Variants in NSL1 observed in about 807,000 individuals in gnomAD.
NSL1 encodes kinetochore-associated protein NSL1 homolog.
Under a neutral mutation model 25.4 loss-of-function variants are expected in NSL1, and 11 were observed. The ratio of observed to expected loss-of-function variants is 0.43; its 90% CI spans 0.27 to 0.72. NSL1 has a LOEUF of 0.72. Ranked by LOEUF, NSL1 falls within the 30% of genes least tolerant of loss-of-function variation. NSL1 has a pLI of 0.19. For missense variants in NSL1, 330 were observed against 342.7 expected (o/e 0.96, Z 0.29); for synonymous variants, 118 against 120.6 (o/e 0.98, Z 0.14).
Position 212,731,042 on chromosome 1 carries a change from T to C in NSL1, c.*7366A>G, listed in dbSNP as rs1274517811. 1.0e-6 allele frequency: 1 copy of C among 985,202 alleles called. No individual in the cohort carries two copies. The highest frequency in any genetic ancestry group is 1.7e-5 in the African/African-American group (1 of 57,218). 61.0% of individuals were successfully genotyped at this position (985,202 alleles called of 1,614,324 possible). ...ACAAGGGATTCTTTACCCCTGAAGC[T>C]TCAAATGAATATAACATTAATTTTC... On this transcript the variant is annotated 3_prime_UTR_variant, in exon 6 of 6. Transcript: ENST00000366977.
chr1:212,777,878 A>G (rs1660446970), intron 4 of NSL1, among the ~76,000 whole-genome samples: 1 of 152,258 alleles, frequency 6.6e-6, no homozygotes, highest in Non-Finnish European at 1.5e-5. Flanking sequence ...TATGTGAAAT[A>G]TTTCGAAGAA....
intron 4 of NSL1, among the ~76,000 whole-genome samples, chr1:212,754,749 AC>A (rs1475418483): frequency 7.5e-6 from 1 of 133,038 alleles, no homozygotes; most frequent in Non-Finnish European, 1.6e-5. Flanking sequence ...AGCCTGGGCA[AC>A]AAGAGTAAAA....
In NSL1 at chr1:212,731,124, T is replaced by G. The variant is rs1023069803; in HGVS notation, c.*7284A>C. On this transcript the variant is annotated 3_prime_UTR_variant, in exon 6 of 6. Transcript: ENST00000366977. ...CCCCTTCAGTGGTTCTCTAGAGAGA[T>G]ATTTTTTTCTTCAGAGACTTTCATA... 25 of 982,956 alleles carry G rather than the reference T, an allele frequency of 2.5e-5. No individual in the cohort carries two copies. Among genetic ancestry groups the G allele is most frequent in the African/African-American group, 1.4e-4 (8 of 56,788 alleles). 60.9% of individuals were successfully genotyped at this position (982,956 alleles called of 1,614,324 possible).
At position 212,726,881 on chromosome 1, in the gene NSL1, G is replaced by A. The variant is rs1279993305; in HGVS notation, c.*11527C>T. ...AACAGAGCCGAGCCCGGTCCCAGGG[G>A]CTGGATGGTGTCCCTCCCTCTGATG... On this transcript the variant is annotated 3_prime_UTR_variant, in exon 6 of 6. Transcript: ENST00000366977. 5.2e-6 allele frequency: 2 copies of A among 381,370 alleles called. No individual in the cohort carries two copies. Among genetic ancestry groups the A allele is most frequent in the African/African-American group, 2.1e-5 (1 of 48,016 alleles). The allele number at this position is 381,370 out of a possible 1,614,324, so 23.6% of individuals were successfully genotyped here. A position where few individuals can be genotyped will look rare whatever the true frequency, so the allele number is the denominator to read the frequency against.
chr1:212,748,352 A>C (rs935440265), intron 4 of NSL1, among the ~76,000 whole-genome samples: 4 of 152,214 alleles, frequency 2.6e-5, no homozygotes, highest in Non-Finnish European at 4.4e-5. Flanking sequence ...ACATATGCCT[A>C]CATGTGACCC....
chr1:212,756,601 C>A (rs1348185384), intron 4 of NSL1, among the ~76,000 whole-genome samples: 1 of 152,146 alleles, frequency 6.6e-6, no homozygotes, highest in Non-Finnish European at 1.5e-5. Flanking sequence ...GGGAGGATCA[C>A]CCGAGTTCAA....
rs563013414 is a variant in NSL1, at chr1:212,764,448, C to CA, written c.499+17923dup. Among the ~76,000 whole-genome samples the CA allele has an allele frequency of 1.3e-4, 19 of 151,632 alleles. No individual in the cohort carries two copies. The East Asian group carries it at 3.3e-3, about 26-fold the overall frequency. On this transcript the variant is annotated intron_variant, in intron 4 of 5. Coordinates refer to ENST00000366977, the MANE Select transcript of NSL1 (RefSeq NM_015471.4). ...CAGAATTAAATGAAATTGAAACAAA[C>CA]AAAAAAACAAAAAATACAAAAGATA...
At chr1:212,763,464 C>T (rs1659664956) in intron 4 of NSL1, among the ~76,000 whole-genome samples, 1 of 151,968 alleles carries the variant, frequency 6.6e-6, no homozygotes, top group Admixed American at 6.6e-5. Context: ...TGTAAATGGC[C>T]TAAATGTTCC....
chr1:212,739,598 G>C lies in NSL1; in HGVS notation c.503C>G (p.Pro168Arg). Residue 168 changes from proline to arginine, a missense_variant, in exon 5 of 6, where the codon CCT (proline) becomes CGT (arginine). Transcript: ENST00000366977. ...TCTGCATTTCAAATTTTCCATATGA[G>C]GGGCTGCAAAAACATTGCCAAACAG... ...LDLKYDPDPA[P>R]HMENLKCRGE... The C allele has an allele frequency of 6.2e-7, 1 of 1,613,182 alleles. No individual in the cohort carries two copies. The highest frequency in any genetic ancestry group is 1.7e-4 in the Middle Eastern group (1 of 6,052).
chr1:212,771,282 C>G (rs1660097089), intron 4 of NSL1, among the ~76,000 whole-genome samples: 1 of 152,080 alleles, frequency 6.6e-6, no homozygotes, highest in East Asian at 1.9e-4. Context: ...CCATTGGACT[C>G]CAGCCTGGGC....
At chr1:212,784,869 A>G (rs78862592) in intron 2 of NSL1, among the ~76,000 whole-genome samples, 3,468 of 152,370 alleles carry the variant, frequency 0.023, 63 homozygotes, top group South Asian at 0.042. Flanking sequence ...ACTGTGAAAT[A>G]TAAGACTTTA....
intron 3 of NSL1, chr1:212,784,081 A>G (rs1660837040): frequency 1.0e-5 from 2 of 193,098 alleles, no homozygotes; most frequent in South Asian, 3.8e-4. Context: ...AGAATCATAA[A>G]GTCATTGTCA....
chr1:212,738,766 ATT>A (rs72163165), intron 5 of NSL1, 80 bp from the exon 6 acceptor site: 302,034 of 955,108 alleles, frequency 0.32, 24,000 homozygotes, highest in Non-Finnish European at 0.34. Context: ...CAGTACTCTA[ATT>A]TTTTTTTTTT....
In NSL1 at chr1:212,736,312, A is replaced by G. The variant is rs1658230250; in HGVS notation, c.*2096T>C. 1.0e-6 allele frequency: 1 copy of G among 981,450 alleles called. No individual in the cohort carries two copies. Among genetic ancestry groups the G allele is most frequent in the Admixed American group, 6.2e-5 (1 of 16,254 alleles). The allele number at this position is 981,450 out of a possible 1,614,324, so 60.8% of individuals were successfully genotyped here. A position where few individuals can be genotyped will look rare whatever the true frequency, so the allele number is the denominator to read the frequency against. ...GTGCTGGGATTACAGGCATGAGCCCACCGCGCCTGGCTATTTCTTTTCTGA... is the reference window on the plus strand; with the variant it reads ...GTGCTGGGATTACAGGCATGAGCCCGCCGCGCCTGGCTATTTCTTTTCTGA... On this transcript the variant is annotated 3_prime_UTR_variant, in exon 6 of 6. Coordinates refer to ENST00000366977, the MANE Select transcript of NSL1 (RefSeq NM_015471.4).
chr1:212,762,971 G>C (rs1382678467), intron 4 of NSL1, among the ~76,000 whole-genome samples: 2 of 152,176 alleles, frequency 1.3e-5, no homozygotes, highest in Admixed American at 6.5e-5. Flanking sequence ...GAACCCACAG[G>C]GTGAGTGTAA....
At chr1:212,759,916 CA>C (rs1406298968) in intron 4 of NSL1, among the ~76,000 whole-genome samples, 1 of 152,172 alleles carries the variant, frequency 6.6e-6, no homozygotes, top group Non-Finnish European at 1.5e-5. Flanking sequence ...TCCCTGGGGC[CA>C]CCCAGCAGCA....
At chr1:212,743,361 C>CA (rs1658594376) in intron 4 of NSL1, among the ~76,000 whole-genome samples, 2 of 152,006 alleles carry the variant, frequency 1.3e-5, no homozygotes, top group African/African-American at 4.8e-5. Flanking sequence ...GACAGGGTTT[C>CA]ACCATGTTAG....
chr1:212,778,443 T>G (rs1660485198), intron 4 of NSL1, among the ~76,000 whole-genome samples: 1 of 152,346 alleles, frequency 6.6e-6, no homozygotes, highest in Admixed American at 6.5e-5. Context: ...CTCCCTCTGA[T>G]GCCGAGCCGA....
intron 4 of NSL1, among the ~76,000 whole-genome samples, chr1:212,742,308 G>GA (rs920592439): frequency 1.3e-5 from 2 of 152,142 alleles, no homozygotes; most frequent in Non-Finnish European, 2.9e-5. Flanking sequence ...ACAGAAAGCA[G>GA]AAGATCAGAA....
Sources: gnomAD v4.1 joint callset for allele counts (sites outside exome capture counted in the v4.1 genomes callset) on GRCh38, gnomAD v4.1.1 for gene constraint, MANE v1.5 for transcripts, NCBI Gene and HGNC (gene_info 2026-07-23, HGNC 2026-07-21) for gene names.